SLC3A1: variants seen among roughly 807,000 people sequenced by gnomAD.
SLC3A1 encodes the protein amino acid transporter heavy chain SLC3A1.
SLC3A1 carries 78 observed loss-of-function variants against 60.3 expected under a neutral mutation model. The observed-to-expected ratio is 1.29, with a 90% CI of 1.08 to 1.56. The LOEUF (loss-of-function observed/expected upper bound fraction) is 1.56, where lower values mean the gene tolerates loss of function less well. Among genes scored for constraint, SLC3A1 ranks in the 40% most tolerant of loss-of-function variants. The pLI, the probability that SLC3A1 is intolerant of heterozygous loss-of-function variation, is 0.00. For synonymous variants in SLC3A1, 392 were observed against 307.9 expected (o/e 1.27, Z -2.86); for missense variants, 1,172 against 858.9 (o/e 1.36, Z -4.56).
At chr2:44,284,091 T>C (rs921421087) in intron 3 of SLC3A1, among the ~76,000 whole-genome samples, 2 of 152,152 alleles carry the variant, frequency 1.3e-5, no homozygotes, top group African/African-American at 2.4e-5. Flanking sequence ...GCTTCTTTTT[T>C]TTATTTTTGA....
intron 1 of SLC3A1, among the ~76,000 whole-genome samples, chr2:44,278,799 G>C (rs1193835548): frequency 6.6e-6 from 1 of 151,982 alleles, no homozygotes; most frequent in Non-Finnish European, 1.5e-5. Context: ...TAAATTCCTG[G>C]GTTCCTATAT....
At position 44,275,827 on chromosome 2, in the gene SLC3A1, C is replaced by A. The variant is rs750996109; in HGVS notation, c.292C>A (p.Leu98Met). The change falls in exon 1 of 10, where the codon CTG becomes ATG. Residue 98 changes from leucine to methionine, a missense_variant. Transcript: ENST00000260649. The part of the protein sequence containing the change: ...ILFWLTVASV[L>M]VLIAATIAII... ...CTTCTGGCTCACAGTGGCTTCTGTG[C>A]TGGTGCTCATCGCGGCCACCATAGC... 5 of 1,614,234 alleles carry A rather than the reference C, an allele frequency of 3.1e-6. No individual in the cohort carries two copies. Among genetic ancestry groups the A allele is most frequent in the Non-Finnish European group, 4.2e-6 (5 of 1,180,042 alleles).
intron 4 of SLC3A1, among the ~76,000 whole-genome samples, chr2:44,296,053 A>T (rs1261206905): frequency 6.6e-6 from 1 of 152,200 alleles, no homozygotes. Context: ...CTTGAAGCTT[A>T]AGTTTGGTTA....
chr2:44,275,920 A>C lies in SLC3A1; in HGVS notation c.385A>C (p.Arg129=). Residue 129 remains arginine (R), a synonymous_variant, in exon 1 of 10, where the codon AGG becomes CGG. Transcript: ENST00000260649. Reference sequence around the variant, plus strand: ...GGGGCCCATGTACCAGATCTACCCAAGGTCTTTCAAGGACAGTAACAAGGA... The same window carrying C: ...GGGGCCCATGTACCAGATCTACCCACGGTCTTTCAAGGACAGTAACAAGGA... The part of the protein sequence containing the change: ...QEGPMYQIYP[R]SFKDSNKDGN... 2 of 1,614,256 alleles carry C rather than the reference A, an allele frequency of 1.2e-6. No homozygotes were observed. Among genetic ancestry groups the C allele is most frequent in the Non-Finnish European group, 1.7e-6 (2 of 1,180,046 alleles).
At chr2:44,302,378 T>C (rs1042097907) in intron 6 of SLC3A1, among the ~76,000 whole-genome samples, 2 of 152,196 alleles carry the variant, frequency 1.3e-5, no homozygotes, top group African/African-American at 4.8e-5. Flanking sequence ...TTACCCATCA[T>C]TAAGTTTACA....
intron 4 of SLC3A1, among the ~76,000 whole-genome samples, chr2:44,299,376 C>T (rs545820257): frequency 2.6e-4 from 40 of 152,296 alleles, no homozygotes; most frequent in African/African-American, 9.4e-4. Flanking sequence ...TTCAAGACAA[C>T]ACTAGTATCT....
At chr2:44,285,540 T>G in intron 3 of SLC3A1, 1 of 392,634 alleles carries the variant, frequency 2.5e-6, no homozygotes, top group Non-Finnish European at 5.1e-6. Context: ...TGAAGTTGCT[T>G]TTTATTCTTG....
chr2:44,283,796 T>G (rs1041624616), intron 3 of SLC3A1, among the ~76,000 whole-genome samples: 14 of 152,166 alleles, frequency 9.2e-5, no homozygotes, highest in African/African-American at 3.4e-4. Context: ...TTGCAAGACT[T>G]CGACTCTAAA....
intron 1 of SLC3A1, among the ~76,000 whole-genome samples, chr2:44,279,832 G>T (rs35627501): frequency 2.0e-5 from 3 of 151,826 alleles, no homozygotes; most frequent in South Asian, 2.1e-4. Flanking sequence ...CAAAGTGCTG[G>T]GATTACAGGC....
chr2:44,304,112 C>T (rs569687788), intron 6 of SLC3A1, 31 bp from the exon 7 acceptor site: 140 of 1,587,794 alleles, frequency 8.8e-5, no homozygotes, highest in South Asian at 8.2e-4. Context: ...TGACAGGCCC[C>T]GATGACACTG....
chr2:44,292,158 G>C (rs531433409), intron 4 of SLC3A1, among the ~76,000 whole-genome samples: 1 of 152,206 alleles, frequency 6.6e-6, no homozygotes, highest in Admixed American at 6.5e-5. Context: ...CCTCGTATCT[G>C]GGGTTTGGAG....
In SLC3A1 at chr2:44,320,615, G is replaced by T. The variant is rs1301672987; in HGVS notation, c.2034G>T (p.Leu678=). The T allele has an allele frequency of 6.2e-7, 1 of 1,613,840 alleles. No individual in the cohort carries two copies. Among genetic ancestry groups the T allele is most frequent in the East Asian group, 2.2e-5 (1 of 44,880 alleles). ...ATCGAGCATGCTATTCCAGTGTACT[G>T]AACATACTGTATACCTCGTGTTAGG... ...VSNRACYSSV[L]NILYTSC The change falls in exon 10 of 10, where the codon CTG becomes CTT. Residue 678 remains leucine, a synonymous_variant. Coordinates refer to ENST00000260649, the MANE Select transcript of SLC3A1 (RefSeq NM_000341.4).
intron 9 of SLC3A1, chr2:44,314,987 A>C (rs1672392938): frequency 7.9e-6 from 1 of 126,578 alleles, no homozygotes; most frequent in South Asian, 2.7e-4. Flanking sequence ...GCTAGAGTGC[A>C]ATGGTGTGGT....
Position 44,312,771 on chromosome 2 carries a change from T to A in SLC3A1, c.1500+18T>A, listed in dbSNP as rs1672331151. 1.2e-6 allele frequency: 2 copies of A among 1,604,620 alleles called. No individual in the cohort carries two copies. The highest frequency in any genetic ancestry group is 1.7e-6 in the Non-Finnish European group (2 of 1,172,370). On this transcript the variant is annotated intron_variant, in intron 8 of 9. Coordinates refer to ENST00000260649, the MANE Select transcript of SLC3A1 (RefSeq NM_000341.4). ...ATGATATTGTAAGTTGAATACAACT[T>A]GACTATTCATCACAGCTATAAAACC...
chr2:44,312,205 A>G (rs1672315197), intron 7 of SLC3A1, among the ~76,000 whole-genome samples: 1 of 152,210 alleles, frequency 6.6e-6, no homozygotes, highest in African/African-American at 2.4e-5. Context: ...ATTTTTTAAA[A>G]GAGGACACAT....
chr2:44,290,582 C>T lies in SLC3A1; in HGVS notation c.891+4425C>T, dbSNP rs550883956. Among the ~76,000 whole-genome samples the T allele has an allele frequency of 1.7e-4, 26 of 152,140 alleles. No homozygotes were observed. In the South Asian group the frequency reaches 5.0e-3, roughly 29 times the overall value. On this transcript the variant is annotated intron_variant, in intron 4 of 9. Coordinates refer to ENST00000260649, the MANE Select transcript of SLC3A1 (RefSeq NM_000341.4). ...CATGAGATGTCTTTCCATTTATTTA[C>T]GTGTTCTTTCATTTCTTTCAACAAT...
chr2:44,277,762 C>G (rs1031261511), intron 1 of SLC3A1, among the ~76,000 whole-genome samples: 2 of 152,204 alleles, frequency 1.3e-5, no homozygotes, highest in Non-Finnish European at 2.9e-5. Context: ...CTGGATAGGT[C>G]CAACATTCCT....
At position 44,312,587 on chromosome 2, in the gene SLC3A1, T is replaced by A; in HGVS notation, c.1334T>A (p.Ile445Asn). 1 of 1,613,872 alleles carries A rather than the reference T, an allele frequency of 6.2e-7. No homozygotes were observed. Among genetic ancestry groups the A allele is most frequent in the Non-Finnish European group, 8.5e-7 (1 of 1,179,756 alleles). The part of the protein sequence containing the change: ...MPEGKWPNWM[I>N]GGPDSSRLTS... ...TTCTTAAAAATATCTGCCTTTCAGA[T>A]TGGTGGACCAGACAGTTCACGGCTG... The change falls in exon 8 of 10, where the codon ATT becomes AAT. Residue 445 changes from isoleucine to asparagine, a missense_variant and splice_region_variant. Coordinates refer to ENST00000260649, the MANE Select transcript of SLC3A1 (RefSeq NM_000341.4).
At chr2:44,316,011 T>G (rs1243379826) in intron 9 of SLC3A1, among the ~76,000 whole-genome samples, 1 of 152,194 alleles carries the variant, frequency 6.6e-6, no homozygotes, top group Non-Finnish European at 1.5e-5. Flanking sequence ...GGTGGGAATC[T>G]AGAAAGCTTA....
Sources: allele counts gnomAD v4.1 joint callset (sites outside exome capture counted in the v4.1 genomes callset), GRCh38; gene constraint gnomAD v4.1.1; transcripts MANE v1.5; gene names NCBI Gene and HGNC (gene_info 2026-07-23, HGNC 2026-07-21).